Variants in GRID2 observed in about 807,000 individuals in gnomAD.
GRID2 encodes glutamate receptor ionotropic, delta-2.
A neutral mutation model predicts 114.8 loss-of-function variants in GRID2; 33 were observed. The ratio of observed to expected loss-of-function variants is 0.29; its 90% CI spans 0.22 to 0.38. The LOEUF is 0.38. Ranked by LOEUF, GRID2 falls within the 10% of genes least tolerant of loss-of-function variation. The probability of loss-of-function intolerance (pLI) is 1.00; values close to 1 mark genes in which losing one functional copy is unlikely to be tolerated. For missense variants in GRID2, 1,184 were observed against 1,257.7 expected (o/e 0.94, Z 0.89); for synonymous variants, 505 against 449.9 (o/e 1.12, Z -1.55).
intron 2 of GRID2, among the ~76,000 whole-genome samples, chr4:93,071,631 C>G (rs979903523): frequency 2.6e-5 from 4 of 151,788 alleles, no homozygotes; most frequent in Admixed American, 2.6e-4. Context: ...GTACTCCACA[C>G]AGAAGAAATA....
At chr4:93,630,651 A>T (rs1409277536) in intron 14 of GRID2, among the ~76,000 whole-genome samples, 1 of 152,178 alleles carries the variant, frequency 6.6e-6, no homozygotes, top group African/African-American at 2.4e-5. Context: ...ATGGAGAATA[A>T]TTTTTCTTAG....
At chr4:92,639,752 A>T (rs898951665) in intron 2 of GRID2, among the ~76,000 whole-genome samples, 3 of 151,828 alleles carry the variant, frequency 2.0e-5, no homozygotes, top group Non-Finnish European at 4.4e-5. Context: ...TAATGTAACA[A>T]AATTACACTT....
intron 1 of GRID2, among the ~76,000 whole-genome samples, chr4:92,357,945 C>T (rs138190612): frequency 6.6e-6 from 1 of 151,808 alleles, no homozygotes; most frequent in African/African-American, 2.4e-5. Context: ...CAGTTATAGA[C>T]AAAGTATTAG....
intron 2 of GRID2, among the ~76,000 whole-genome samples, chr4:93,076,432 A>G (rs1239741329): frequency 6.6e-6 from 1 of 152,070 alleles, no homozygotes; most frequent in Admixed American, 6.6e-5. Context: ...TTTATTTTAA[A>G]TTGGTTTTAG....
intron 2 of GRID2, among the ~76,000 whole-genome samples, chr4:92,916,430 T>C (rs1426111961): frequency 6.6e-6 from 1 of 152,144 alleles, no homozygotes; most frequent in East Asian, 1.9e-4. Context: ...TACATATGTA[T>C]ACACGTGCCA....
intron 4 of GRID2, among the ~76,000 whole-genome samples, chr4:93,113,054 A>C (rs951001817): frequency 2.0e-5 from 3 of 152,256 alleles, no homozygotes; most frequent in Admixed American, 1.3e-4. Flanking sequence ...CTTTACCCAT[A>C]ACAGTTACCA....
At chr4:93,688,487 A>C (rs2110109320) in intron 14 of GRID2, among the ~76,000 whole-genome samples, 1 of 152,142 alleles carries the variant, frequency 6.6e-6, no homozygotes, top group South Asian at 2.1e-4. Context: ...AAAAGGTAAA[A>C]CCATTTTGGA....
At chr4:93,491,262 T>C (rs1317889073) in intron 12 of GRID2, among the ~76,000 whole-genome samples, 1 of 151,858 alleles carries the variant, frequency 6.6e-6, no homozygotes, top group Non-Finnish European at 1.5e-5. Context: ...CAGAAAATTA[T>C]AGTATTTCAG....
Position 93,286,297 on chromosome 4 carries a change from A to T in GRID2, c.1245+47807A>T, listed in dbSNP as rs548126134. 9.9e-5 allele frequency among the ~76,000 whole-genome samples: 15 copies of T among 152,276 alleles called. No individual in the cohort carries two copies. The South Asian group carries it at 2.9e-3, about 29-fold the overall frequency. On this transcript the variant is annotated intron_variant, in intron 8 of 15. Transcript: ENST00000282020. ...GAACCAATTGTAGCCTATTAGGAAG[A>T]TGGATTAACCAGAAAATTTAGATTA...
intron 1 of GRID2, among the ~76,000 whole-genome samples, chr4:92,321,816 G>A (rs776228412): frequency 2.8e-4 from 42 of 152,092 alleles, no homozygotes; most frequent in Non-Finnish European, 4.4e-4. Context: ...AAATATAAGC[G>A]TTGTATTTGA....
intron 2 of GRID2, among the ~76,000 whole-genome samples, chr4:92,902,940 C>T (rs993174885): frequency 1.3e-5 from 2 of 151,876 alleles, no homozygotes; most frequent in Admixed American, 6.6e-5. Context: ...CAGTACCATG[C>T]TATTTTGGTT....
At chr4:92,950,410 C>G (rs1420340942) in intron 2 of GRID2, among the ~76,000 whole-genome samples, 1 of 152,140 alleles carries the variant, frequency 6.6e-6, no homozygotes, top group Non-Finnish European at 1.5e-5. Context: ...AATTAAGTTC[C>G]TACAAGTGCT....
intron 11 of GRID2, among the ~76,000 whole-genome samples, chr4:93,482,917 T>C (rs571401897): frequency 3.7e-4 from 56 of 152,082 alleles, no homozygotes; most frequent in African/African-American, 1.3e-3. Flanking sequence ...ACCGCACTTG[T>C]ATCTCTTGTT....
chr4:92,914,102 T>C (rs116934266), intron 2 of GRID2, among the ~76,000 whole-genome samples: 2 of 152,236 alleles, frequency 1.3e-5, no homozygotes, highest in East Asian at 3.9e-4. Flanking sequence ...CAAATCGATC[T>C]TTGGTTTATT....
chr4:92,408,463 T>TTTTG (rs1731136393), intron 1 of GRID2, among the ~76,000 whole-genome samples: 2 of 124,602 alleles, frequency 1.6e-5, no homozygotes, highest in African/African-American at 6.2e-5. Flanking sequence ...TTTTTTTTTT[T>TTTTG]GCTGTTGTTG....
chr4:92,574,545 C>G (rs925244648), intron 1 of GRID2, among the ~76,000 whole-genome samples: 1 of 151,288 alleles, frequency 6.6e-6, no homozygotes, highest in African/African-American at 2.4e-5. Context: ...AAAACGACCT[C>G]TTTCTCTTAT....
intron 2 of GRID2, among the ~76,000 whole-genome samples, chr4:92,816,064 C>T (rs1255805525): frequency 6.6e-6 from 1 of 150,786 alleles, no homozygotes; most frequent in African/African-American, 2.4e-5. Flanking sequence ...GCCTGTAATC[C>T]CAGCACTTTG....
At chr4:92,457,485 G>A (rs62312228) in intron 1 of GRID2, among the ~76,000 whole-genome samples, 23,626 of 151,912 alleles carry the variant, frequency 0.16, 2,309 homozygotes, top group African/African-American at 0.28. Flanking sequence ...TCTTTTATGC[G>A]CATCGAAAGA....
chr4:92,779,246 A>G (rs1321386849), intron 2 of GRID2, among the ~76,000 whole-genome samples: 1 of 151,218 alleles, frequency 6.6e-6, no homozygotes, highest in Admixed American at 6.6e-5. Context: ...CCTTAACGGA[A>G]TAAAGTCAAT....
Sources: allele counts gnomAD v4.1 joint callset (sites outside exome capture counted in the v4.1 genomes callset), GRCh38; gene constraint gnomAD v4.1.1; transcripts MANE v1.5; gene names NCBI Gene and HGNC (gene_info 2026-07-23, HGNC 2026-07-21).